The following ZNF804A variants were observed in gnomAD, a reference collection of about 807,000 sequenced individuals.
ZNF804A encodes zinc finger protein 804A.
A neutral mutation model predicts 16.5 loss-of-function variants in ZNF804A; 2 were observed. The observed-to-expected ratio is 0.12, with a 90% CI of 0.05 to 0.38. The LOEUF (loss-of-function observed/expected upper bound fraction) is 0.38. Among genes scored for constraint, ZNF804A ranks in the 10% least tolerant of loss-of-function variants. The probability of loss-of-function intolerance (pLI) is 0.99; values close to 1 mark genes in which losing one functional copy is unlikely to be tolerated. For synonymous variants in ZNF804A, 534 were observed against 489.6 expected, an observed-to-expected ratio of 1.09 and a Z score of -1.20; for missense variants, 1,473 against 1,390.7, an observed-to-expected ratio of 1.06 and a Z score of -0.94.
chr2:184,660,659 T>C (rs1276495209), intron 1 of ZNF804A, among the ~76,000 whole-genome samples: 1 of 152,256 alleles, frequency 6.6e-6, no homozygotes, highest in Non-Finnish European at 1.5e-5. Flanking sequence ...GAGCCATTTG[T>C]GTTTGCCTTC....
At chr2:184,759,413 G>C (rs1249203895) in intron 1 of ZNF804A, among the ~76,000 whole-genome samples, 1 of 151,238 alleles carries the variant, frequency 6.6e-6, no homozygotes, top group Admixed American at 6.6e-5. Flanking sequence ...ATTGACATTA[G>C]GAAAAACTTA....
At chr2:184,796,028 C>A in intron 1 of ZNF804A, among the ~76,000 whole-genome samples, 1 of 151,986 alleles carries the variant, frequency 6.6e-6, no homozygotes, top group African/African-American at 2.4e-5. Context: ...TTTATTGACT[C>A]GCATATGTTA....
rs989320969 is a variant in ZNF804A at position 184,669,769 on chromosome 2, C to CACACTA, written c.111+70703_111+70704insTAACAC. 5.0e-3 allele frequency among the ~76,000 whole-genome samples: 29 copies of CACACTA among 5,744 alleles called. 1 individual carries two copies. Among genetic ancestry groups the CACACTA allele is most frequent in the Non-Finnish European group, 0.014 (15 of 1,068 alleles). The allele number at this position is 5,744 out of a possible 152,430, so 3.8% of individuals were successfully genotyped here. ...TCTCTCTCTCACACACACACGCACACACACACACACACTCAGAATATTTTT... is the reference window on the plus strand; with the variant it reads ...TCTCTCTCTCACACACACACGCACACACACTAACACACACACACTCAGAATATTTTT... On this transcript the variant is annotated intron_variant, in intron 1 of 3. Coordinates refer to ENST00000302277, the MANE Select transcript of ZNF804A (RefSeq NM_194250.2).
At chr2:184,726,972 C>T (rs1693423171) in intron 1 of ZNF804A, among the ~76,000 whole-genome samples, 1 of 151,594 alleles carries the variant, frequency 6.6e-6, no homozygotes, top group Admixed American at 6.6e-5. Context: ...TGCTCTAGCA[C>T]TACAAACATT....
At chr2:184,780,245 TCAAA>T (rs371615011) in intron 1 of ZNF804A, among the ~76,000 whole-genome samples, 20 of 151,768 alleles carry the variant, frequency 1.3e-4, no homozygotes, top group Admixed American at 2.6e-4. Flanking sequence ...CATGTTGATG[TCAAA>T]CAAACAAACA....
intron 1 of ZNF804A, among the ~76,000 whole-genome samples, chr2:184,634,383 A>G (rs1200839594): frequency 6.6e-6 from 1 of 152,180 alleles, no homozygotes; most frequent in African/African-American, 2.4e-5. Context: ...TGAATTTATT[A>G]CTTTTAAAAG....
intron 1 of ZNF804A, among the ~76,000 whole-genome samples, chr2:184,654,531 T>C (rs886912501): frequency 2.0e-5 from 3 of 152,198 alleles, no homozygotes; most frequent in African/African-American, 7.2e-5. Context: ...GTTGTTTGTA[T>C]ATTCAATGTC....
intron 1 of ZNF804A, among the ~76,000 whole-genome samples, chr2:184,860,207 C>G (rs1695777023): frequency 6.6e-6 from 1 of 152,168 alleles, no homozygotes; most frequent in Non-Finnish European, 1.5e-5. Context: ...TCTGCTGATG[C>G]TGGCCTAGAG....
At chr2:184,606,035 A>G (rs1192127928) in intron 1 of ZNF804A, among the ~76,000 whole-genome samples, 3 of 152,242 alleles carry the variant, frequency 2.0e-5, no homozygotes, top group Admixed American at 2.0e-4. Context: ...TACATTTAAT[A>G]TACTGACTGT....
intron 1 of ZNF804A, among the ~76,000 whole-genome samples, chr2:184,604,146 CTTTTTTTTTT>C (rs759053144): frequency 4.7e-4 from 21 of 44,878 alleles, no homozygotes; most frequent in African/African-American, 9.9e-4. Flanking sequence ...ACTGCAATTA[CTTTTTTTTTT>C]TTTTTTTTTT....
intron 1 of ZNF804A, among the ~76,000 whole-genome samples, chr2:184,842,828 G>A (rs539286847): frequency 6.6e-6 from 1 of 152,210 alleles, no homozygotes; most frequent in African/African-American, 2.4e-5. Flanking sequence ...ATTTAACAGA[G>A]TAGTCATTTC....
At chr2:184,774,730 G>A (rs1413602991) in intron 1 of ZNF804A, among the ~76,000 whole-genome samples, 1 of 151,686 alleles carries the variant, frequency 6.6e-6, no homozygotes, top group Non-Finnish European at 1.5e-5. Context: ...ATATCTCTGT[G>A]ATACATTTTT....
At chr2:184,822,087 A>T (rs1346178109) in intron 1 of ZNF804A, among the ~76,000 whole-genome samples, 2 of 152,144 alleles carry the variant, frequency 1.3e-5, no homozygotes, top group Non-Finnish European at 2.9e-5. Flanking sequence ...AATATAAATC[A>T]TACTTCGGTA....
At chr2:184,746,924 G>T (rs1412072480) in intron 1 of ZNF804A, among the ~76,000 whole-genome samples, 1 of 151,250 alleles carries the variant, frequency 6.6e-6, no homozygotes, top group Non-Finnish European at 1.5e-5. Flanking sequence ...ACGTATTTTT[G>T]AGAAATCAAA....
At chr2:184,915,037 G>A (rs1349020969) in intron 2 of ZNF804A, among the ~76,000 whole-genome samples, 2 of 151,548 alleles carry the variant, frequency 1.3e-5, no homozygotes, top group Non-Finnish European at 3.0e-5. Flanking sequence ...TTTTATTTTG[G>A]TTTTACAATA....
chr2:184,855,613 TATAC>T (rs142382240), intron 1 of ZNF804A, among the ~76,000 whole-genome samples: 8,984 of 124,118 alleles, frequency 0.072, 876 homozygotes, highest in African/African-American at 0.27. Context: ...TATATATATA[TATAC>T]ACACACACAC....
chr2:184,830,474 G>T (rs1695245839), intron 1 of ZNF804A, among the ~76,000 whole-genome samples: 1 of 152,138 alleles, frequency 6.6e-6, no homozygotes, highest in Non-Finnish European at 1.5e-5. Flanking sequence ...ACAGTAACCA[G>T]GATTAAAGAT....
intron 1 of ZNF804A, among the ~76,000 whole-genome samples, chr2:184,663,056 C>T (rs1383911059): frequency 6.6e-6 from 1 of 152,198 alleles, no homozygotes; most frequent in African/African-American, 2.4e-5. Flanking sequence ...TGTGAAGACA[C>T]TGGATACAGA....
intron 1 of ZNF804A, among the ~76,000 whole-genome samples, chr2:184,861,817 A>G (rs897252721): frequency 3.9e-5 from 6 of 152,140 alleles, no homozygotes; most frequent in Admixed American, 2.0e-4. Flanking sequence ...TGGATAAACC[A>G]TTATCTTCTC....
Sources: gnomAD v4.1 joint callset for allele counts (sites outside exome capture counted in the v4.1 genomes callset) on GRCh38, gnomAD v4.1.1 for gene constraint, MANE v1.5 for transcripts, NCBI Gene and HGNC (gene_info 2026-07-23, HGNC 2026-07-21) for gene names.